Variants in TPTE2 observed in about 807,000 individuals in gnomAD.
TPTE2 encodes transmembrane phosphoinositide 3-phosphatase and tensin homolog 2, also known as phosphatidylinositol 3,4,5-trisphosphate 3-phosphatase TPTE2.
In TPTE2, 53 loss-of-function variants were observed where a neutral mutation model predicts 78.6. The observed-to-expected ratio is 0.67, with a 90% confidence interval of 0.54 to 0.85. TPTE2 has a LOEUF of 0.85. Ranked by LOEUF, TPTE2 falls within the 40% of genes least tolerant of loss-of-function variation. The probability of loss-of-function intolerance (pLI) is 0.00; values close to 1 mark genes in which losing one functional copy is unlikely to be tolerated. For missense variants in TPTE2, 461 were observed against 623.0 expected (o/e 0.74, Z 2.77); for synonymous variants, 175 against 206.2 (o/e 0.85, Z 1.30).
intron 1 of TPTE2, among the ~76,000 whole-genome samples, chr13:19,528,663 C>T (rs7329936): frequency 0.77 from 116,908 of 152,116 alleles, 46,633 homozygotes; most frequent in East Asian, 0.96. Context: ...CTCCAGTTCT[C>T]GCTAGCTCAG....
intron 10 of TPTE2, among the ~76,000 whole-genome samples, chr13:19,462,655 G>T (rs2497078): frequency 0.93 from 141,691 of 151,634 alleles, 66,478 homozygotes; most frequent in East Asian, 1. Flanking sequence ...CAATTCTCGT[G>T]ATTTAGCCTC....
chr13:19,489,769 GT>G (rs1880893895), intron 3 of TPTE2, among the ~76,000 whole-genome samples: 2 of 5,750 alleles, frequency 3.5e-4, no homozygotes, highest in Non-Finnish European at 2.8e-3. Flanking sequence ...TTATATGTGT[GT>G]GTGTGTGTAG....
Position 19,425,315 on chromosome 13 carries a change from G to T in TPTE2, c.1396-298C>A, listed in dbSNP as rs868421081. Among the ~76,000 whole-genome samples, 32 of 152,324 alleles carry T rather than the reference G, an allele frequency of 2.1e-4. 1 individual carries two copies. The highest frequency in any genetic ancestry group is 7.5e-4 in the African/African-American group (31 of 41,570). On this transcript the variant is annotated intron_variant, in intron 18 of 19. Transcript: ENST00000400230. ...CTGGTTTAGATAGTGCCAAACAGATGCTACTAAGGACCTATGCCTATATAT... is the reference window on the plus strand; with the variant it reads ...CTGGTTTAGATAGTGCCAAACAGATTCTACTAAGGACCTATGCCTATATAT...
intron 1 of TPTE2, among the ~76,000 whole-genome samples, chr13:19,518,173 GA>G (rs1256447396): frequency 6.6e-6 from 1 of 152,190 alleles, no homozygotes; most frequent in East Asian, 1.9e-4. Context: ...AGGATTGTGA[GA>G]AAACAAATAG....
At chr13:19,546,844 G>A in the TPTE2 span, among the ~76,000 whole-genome samples, 1 of 151,954 alleles carries the variant, frequency 6.6e-6, no homozygotes, top group Non-Finnish European at 1.5e-5. Flanking sequence ...ACCCAATGGA[G>A]AGGTTGTAAG....
At chr13:19,518,201 C>T (rs1371992694) in intron 1 of TPTE2, among the ~76,000 whole-genome samples, 1 of 152,148 alleles carries the variant, frequency 6.6e-6, no homozygotes, top group Non-Finnish European at 1.5e-5. Flanking sequence ...ATTTAAAATA[C>T]ACTCATATTC....
chr13:19,514,623 G>GTGTGTGTGTGTC (rs1220347127), intron 1 of TPTE2, among the ~76,000 whole-genome samples: 1 of 141,140 alleles, frequency 7.1e-6, no homozygotes, highest in African/African-American at 2.7e-5. Flanking sequence ...GTGTGTGTGT[G>GTGTGTGTGTGTC]TGTGTGTCTG....
intron 1 of TPTE2, among the ~76,000 whole-genome samples, chr13:19,520,052 T>A (rs1233401342): frequency 6.6e-6 from 1 of 152,158 alleles, no homozygotes; most frequent in Non-Finnish European, 1.5e-5. Flanking sequence ...TACTCATTGC[T>A]AATGTTTCTA....
intron 1 of TPTE2, among the ~76,000 whole-genome samples, chr13:19,511,865 A>G (rs929050579): frequency 2.0e-5 from 3 of 152,244 alleles, no homozygotes; most frequent in South Asian, 2.1e-4. Flanking sequence ...TTTTTAAAAA[A>G]AAAATCACCA....
At chr13:19,502,032 A>C (rs1868599500) in intron 1 of TPTE2, among the ~76,000 whole-genome samples, 1 of 122,038 alleles carries the variant, frequency 8.2e-6, no homozygotes, top group Non-Finnish European at 1.7e-5. Context: ...ATGCAGCCAA[A>C]AAACACATGA....
intron 13 of TPTE2, among the ~76,000 whole-genome samples, chr13:19,444,138 C>A (rs1359762422): frequency 6.6e-6 from 1 of 150,998 alleles, no homozygotes; most frequent in African/African-American, 2.4e-5. Flanking sequence ...AACCCCATCT[C>A]TACAAAAAAA....
At chr13:19,471,357 T>C (rs888329584) in intron 6 of TPTE2, among the ~76,000 whole-genome samples, 11 of 152,242 alleles carry the variant, frequency 7.2e-5, no homozygotes, top group Non-Finnish European at 1.3e-4. Context: ...CTCTTCCTTC[T>C]TTCCTTCCTG....
At chr13:19,532,945 A>AT (rs1417384837) in intron 1 of TPTE2, among the ~76,000 whole-genome samples, 1 of 151,958 alleles carries the variant, frequency 6.6e-6, no homozygotes, top group Non-Finnish European at 1.5e-5. Flanking sequence ...TGGGAAGTCA[A>AT]TTTATGATGA....
chr13:19,471,169 A>T (rs1350759488), intron 6 of TPTE2, among the ~76,000 whole-genome samples: 2 of 152,034 alleles, frequency 1.3e-5, no homozygotes, highest in South Asian at 2.1e-4. Flanking sequence ...TGGCCTCCCA[A>T]ACTGCTGGGA....
At chr13:19,560,392 C>T in the TPTE2 span, 5 of 1,608,698 alleles carry the variant, frequency 3.1e-6, no homozygotes, top group Middle Eastern at 2.0e-4. Flanking sequence ...GCCAGCTGCC[C>T]GTGCCCCCTC....
intron 3 of TPTE2, among the ~76,000 whole-genome samples, chr13:19,491,774 G>A (rs1881002970): frequency 6.6e-6 from 1 of 152,188 alleles, no homozygotes; most frequent in African/African-American, 2.4e-5. Flanking sequence ...ACAGGGAGCC[G>A]AGATCGCGCC....
rs1035591800 is a variant in TPTE2 at position 19,536,068 on chromosome 13, C to T, written c.-44+528G>A. Among the ~76,000 whole-genome samples the T allele has an allele frequency of 3.3e-5, 5 of 152,220 alleles. No individual in the cohort carries two copies. In the East Asian group the frequency reaches 5.8e-4, roughly 18 times the overall value. ...TCACTTCCAAGCATATAACGAATGC[C>T]AACCTTAAAAGAGGGATTCCCTATT... On this transcript the variant is annotated intron_variant, in intron 1 of 17. Coordinates refer to the TPTE2 transcript ENST00000390680.
rs560757391 is a variant in TPTE2, at chr13:19,431,431, T to A, written c.1223-884A>T. 5.3e-5 allele frequency among the ~76,000 whole-genome samples: 8 copies of A among 152,250 alleles called. 1 individual carries two copies. Among genetic ancestry groups the A allele is most frequent in the African/African-American group, 1.7e-4 (7 of 41,552 alleles). ...CTTAGCGTTTCCTCAAAGACTTGGT[T>A]TCTCAGCCAATTAATTTTTTATTGC... On this transcript the variant is annotated intron_variant, in intron 16 of 19. Coordinates refer to ENST00000400230, the Ensembl canonical transcript of TPTE2.
At chr13:19,507,001 A>G (rs1229566820), upstream of TPTE2, among the ~76,000 whole-genome samples, 3 of 152,214 alleles carry the variant, frequency 2.0e-5, no homozygotes, top group Non-Finnish European at 1.5e-5. Context: ...AGGATGTTAC[A>G]TACAGAAGCT....
Sources: gnomAD v4.1 joint callset for allele counts (sites outside exome capture counted in the v4.1 genomes callset) on GRCh38, gnomAD v4.1.1 for gene constraint, MANE v1.5 for transcripts, NCBI Gene and HGNC (gene_info 2026-07-23, HGNC 2026-07-21) for gene names.